Variants in NBEA observed in about 807,000 individuals in gnomAD.
The protein encoded by NBEA is lysosomal-trafficking regulator 2.
Under a neutral mutation model 343.4 loss-of-function variants are expected in NBEA, and 44 were observed. The observed-to-expected ratio is 0.13, with a 90% confidence interval of 0.10 to 0.16. NBEA has a LOEUF of 0.16. Among genes scored for constraint, NBEA ranks in the 10% least tolerant of loss-of-function variants. The pLI is 1.00. For missense variants in NBEA, 2,555 were observed against 3,631.3 expected (o/e 0.70, Z 7.62); for synonymous variants, 1,175 against 1,238.7 (o/e 0.95, Z 1.08).
chr13:34,944,379 A>G (rs905804563), intron 1 of NBEA, among the ~76,000 whole-genome samples: 2 of 152,244 alleles, frequency 1.3e-5, no homozygotes, highest in Non-Finnish European at 2.9e-5. Context: ...TCTACGGTTT[A>G]TGAACCTCGT....
At chr13:35,550,345 C>CA in intron 41 of NBEA, 132 bp from the exon 42 acceptor site, 6 of 578,046 alleles carry the variant, frequency 1.0e-5, no homozygotes, top group Non-Finnish European at 1.8e-5. Flanking sequence ...TACACAGTAT[C>CA]AAATTATTGA....
At chr13:35,049,688 A>T (rs1471915665) in intron 5 of NBEA, among the ~76,000 whole-genome samples, 1 of 151,780 alleles carries the variant, frequency 6.6e-6, no homozygotes, top group East Asian at 1.9e-4. Flanking sequence ...TCAGTGATTA[A>T]ACATTTTTCT....
At position 35,425,920 on chromosome 13, in the gene NBEA, TTG is replaced by T. The variant is rs1193101529; in HGVS notation, c.6180-6348_6180-6347del. The stretch of plus-strand genomic sequence containing the variant: ...TATGTAATGGCCTTCTTTGTCTCTT[TTG>T]ATCTTTGTTGGTTTAAAGTCTGTTT... On this transcript the variant is annotated intron_variant, in intron 38 of 58. Coordinates refer to ENST00000379939, the MANE Select transcript of NBEA (RefSeq NM_001385012.1). 2.0e-5 allele frequency among the ~76,000 whole-genome samples: 3 copies of T among 152,212 alleles called. No individual in the cohort carries two copies. The East Asian group carries it at 5.8e-4, about 29-fold the overall frequency.
intron 38 of NBEA, among the ~76,000 whole-genome samples, chr13:35,417,748 G>C (rs1238189220): frequency 2.0e-5 from 3 of 152,092 alleles, no homozygotes; most frequent in African/African-American, 7.2e-5. Context: ...ATGTCTATTA[G>C]GTCCTCTTGG....
At chr13:35,624,728 TAGA>T (rs2083145435) in intron 48 of NBEA, among the ~76,000 whole-genome samples, 1 of 151,658 alleles carries the variant, frequency 6.6e-6, no homozygotes, top group African/African-American at 2.4e-5. Context: ...GATAGGTACA[TAGA>T]AGAGAGAGCA....
At chr13:35,093,989 A>G (rs2065209100) in intron 10 of NBEA, among the ~76,000 whole-genome samples, 1 of 151,874 alleles carries the variant, frequency 6.6e-6, no homozygotes, top group Non-Finnish European at 1.5e-5. Flanking sequence ...ATATATAGTA[A>G]TATAAGAGAT....
At chr13:35,139,041 T>C (rs148941780) in intron 17 of NBEA, among the ~76,000 whole-genome samples, 2,868 of 149,850 alleles carry the variant, frequency 0.019, 53 homozygotes, top group Non-Finnish European at 0.031. Flanking sequence ...TACTCTGAAT[T>C]TGTTACAAGA....
intron 48 of NBEA, among the ~76,000 whole-genome samples, chr13:35,611,797 C>T (rs2153055044): frequency 6.6e-6 from 1 of 152,268 alleles, no homozygotes; most frequent in South Asian, 2.1e-4. Flanking sequence ...ACATTTTGTT[C>T]ACCCATTCAT....
chr13:35,178,642 C>T (rs1180882421), intron 28 of NBEA, among the ~76,000 whole-genome samples: 1 of 151,336 alleles, frequency 6.6e-6, no homozygotes, highest in African/African-American at 2.4e-5. Flanking sequence ...TCTAGGTAAA[C>T]AGATTTTATT....
chr13:35,202,699 G>A (rs936497118), intron 31 of NBEA, among the ~76,000 whole-genome samples: 11 of 152,032 alleles, frequency 7.2e-5, no homozygotes, highest in Non-Finnish European at 1.5e-4. Flanking sequence ...GTATGCTGAT[G>A]ACTCTTATAT....
chr13:35,456,103 A>T (rs914078161), intron 40 of NBEA, among the ~76,000 whole-genome samples: 1 of 152,032 alleles, frequency 6.6e-6, no homozygotes, highest in Non-Finnish European at 1.5e-5. Context: ...TAAGTTAAAA[A>T]CTATGATAAA....
intron 58 of NBEA, 58 bp downstream of exon 58, chr13:35,668,577 A>G: frequency 6.8e-7 from 1 of 1,475,742 alleles, no homozygotes; most frequent in South Asian, 1.4e-5. Flanking sequence ...GGCTCTCTTC[A>G]TTCTACCAAG....
intron 40 of NBEA, among the ~76,000 whole-genome samples, chr13:35,467,944 A>C (rs2075458672): frequency 6.6e-6 from 1 of 152,190 alleles, no homozygotes; most frequent in Non-Finnish European, 1.5e-5. Flanking sequence ...ACTTCTAACA[A>C]TTCCAATTTT....
intron 1 of NBEA, among the ~76,000 whole-genome samples, chr13:34,997,851 C>A (rs2060990909): frequency 1.3e-5 from 2 of 152,080 alleles, no homozygotes; most frequent in South Asian, 4.1e-4. Context: ...TCTCGTAGCC[C>A]AGAGTTATGT....
At chr13:35,443,801 ACAGTTTT>A (rs1449373645) in intron 39 of NBEA, among the ~76,000 whole-genome samples, 1 of 151,932 alleles carries the variant, frequency 6.6e-6, no homozygotes, top group African/African-American at 2.4e-5. Context: ...AGTATCACTA[ACAGTTTT>A]GCCATTGGGA....
At chr13:35,054,643 CTTTTTTT>C (rs1186551019) in intron 6 of NBEA, among the ~76,000 whole-genome samples, 2 of 117,462 alleles carry the variant, frequency 1.7e-5, no homozygotes, top group African/African-American at 3.1e-5. Context: ...GTTTTCTTTT[CTTTTTTT>C]TTTTTTTTTT....
At chr13:35,667,166 G>A (rs1056091063) in intron 56 of NBEA, among the ~76,000 whole-genome samples, 21 of 152,190 alleles carry the variant, frequency 1.4e-4, no homozygotes, top group Non-Finnish European at 2.6e-4. Context: ...GTGAAGAAGC[G>A]TGCGGCGTAG....
At chr13:35,324,086 G>C (rs1381286220) in intron 36 of NBEA, among the ~76,000 whole-genome samples, 1 of 152,150 alleles carries the variant, frequency 6.6e-6, no homozygotes, top group Non-Finnish European at 1.5e-5. Flanking sequence ...TGCATTTGTG[G>C]CTGGTGTATT....
intron 36 of NBEA, among the ~76,000 whole-genome samples, chr13:35,334,200 C>A (rs2039105585): frequency 6.6e-6 from 1 of 152,148 alleles, no homozygotes; most frequent in Non-Finnish European, 1.5e-5. Flanking sequence ...ACATCCTCGC[C>A]AGCATTTGAT....
Sources: allele counts gnomAD v4.1 joint callset (sites outside exome capture counted in the v4.1 genomes callset), GRCh38; gene constraint gnomAD v4.1.1; transcripts MANE v1.5; gene names NCBI Gene and HGNC (gene_info 2026-07-23, HGNC 2026-07-21).